The following NR3C2 variants were observed in gnomAD, a reference collection of about 807,000 sequenced individuals.
The protein encoded by NR3C2 is nuclear receptor subfamily 3 group C member 2.
A neutral mutation model predicts 86.4 loss-of-function variants in NR3C2; 15 were observed. The ratio of observed to expected loss-of-function variants is 0.17; its 90% CI spans 0.12 to 0.27. NR3C2 has a LOEUF of 0.27. NR3C2 is among the 10% of genes least tolerant of loss of function. The probability of loss-of-function intolerance (pLI) is 1.00; values close to 1 mark genes in which losing one functional copy is unlikely to be tolerated. For missense variants in NR3C2, 960 were observed against 1,195.6 expected (o/e 0.80, Z 2.91); for synonymous variants, 458 against 450.5 (o/e 1.02, Z -0.21).
chr4:148,388,028 T>C (rs906513867), intron 2 of NR3C2, among the ~76,000 whole-genome samples: 1 of 152,222 alleles, frequency 6.6e-6, no homozygotes, highest in African/African-American at 2.4e-5. Flanking sequence ...TTTAGAGTCA[T>C]TCTTGAGCTA....
At chr4:148,303,136 AT>A (rs539369374) in intron 2 of NR3C2, among the ~76,000 whole-genome samples, 10 of 151,774 alleles carry the variant, frequency 6.6e-5, no homozygotes, top group Admixed American at 1.3e-4. Flanking sequence ...TGCTATCATA[AT>A]TTTTTTTTAA....
intron 2 of NR3C2, among the ~76,000 whole-genome samples, chr4:148,298,667 A>G (rs1268668773): frequency 1.3e-5 from 2 of 152,060 alleles, no homozygotes; most frequent in African/African-American, 2.4e-5. Flanking sequence ...CAGAACTACT[A>G]CTCCTTATTA....
In NR3C2 at chr4:148,078,884, A is replaced by G. The variant is rs1408879121; in HGVS notation, c.*2460T>C. 1 of 152,648 alleles carries G rather than the reference A, an allele frequency of 6.6e-6. No homozygotes were observed. The highest frequency in any genetic ancestry group is 1.5e-5 in the Non-Finnish European group (1 of 68,040). The allele number at this position is 152,648 out of a possible 1,614,324, so 9.5% of individuals were successfully genotyped here. On this transcript the variant is annotated 3_prime_UTR_variant, in exon 9 of 9. Coordinates refer to ENST00000358102, the MANE Select transcript of NR3C2 (RefSeq NM_000901.5). The stretch of plus-strand genomic sequence containing the variant: ...CTAATTTAGTGTTTCTTTAAATTAT[A>G]TGAACTTTTGGTGAATTATGAACTG...
chr4:148,320,631 C>T (rs969639626), intron 2 of NR3C2, among the ~76,000 whole-genome samples: 3 of 151,228 alleles, frequency 2.0e-5, no homozygotes, highest in Admixed American at 6.6e-5. Context: ...AAGAAGTTAT[C>T]CATTTCTTCT....
At chr4:148,129,775 T>C (rs1036140127) in intron 6 of NR3C2, among the ~76,000 whole-genome samples, 7 of 152,140 alleles carry the variant, frequency 4.6e-5, no homozygotes, top group African/African-American at 1.7e-4. Context: ...TTTGTACTTT[T>C]AGTAGAGATG....
At chr4:148,324,996 C>T (rs913052863) in intron 2 of NR3C2, among the ~76,000 whole-genome samples, 2 of 152,120 alleles carry the variant, frequency 1.3e-5, no homozygotes, top group Non-Finnish European at 2.9e-5. Context: ...ATATTAGAGG[C>T]ATATCTACAA....
chr4:148,224,518 CGAA>C (rs1222509598), intron 3 of NR3C2, among the ~76,000 whole-genome samples: 1 of 152,184 alleles, frequency 6.6e-6, no homozygotes, highest in Non-Finnish European at 1.5e-5. Flanking sequence ...CACAGAAAAA[CGAA>C]GCTCTCTCAA....
At chr4:148,427,961 T>C (rs772434833) in intron 2 of NR3C2, among the ~76,000 whole-genome samples, 17 of 152,102 alleles carry the variant, frequency 1.1e-4, no homozygotes, top group Non-Finnish European at 2.1e-4. Flanking sequence ...TACATAAATA[T>C]CTGAATAAAC....
intron 3 of NR3C2, among the ~76,000 whole-genome samples, chr4:148,240,211 GATT>G (rs932055726): frequency 1.4e-5 from 2 of 146,676 alleles, no homozygotes; most frequent in African/African-American, 5.0e-5. Context: ...AAAATTATCA[GATT>G]ATCAGATATT....
intron 7 of NR3C2, among the ~76,000 whole-genome samples, chr4:148,115,129 A>G (rs1732216246): frequency 6.6e-6 from 1 of 152,214 alleles, no homozygotes; most frequent in African/African-American, 2.4e-5. Flanking sequence ...TATCTTTGAT[A>G]AGGTAGAAAA....
At chr4:148,116,606 G>A (rs1240182886) in intron 7 of NR3C2, among the ~76,000 whole-genome samples, 5 of 152,144 alleles carry the variant, frequency 3.3e-5, no homozygotes, top group Admixed American at 3.3e-4. Context: ...AAATTTTCAT[G>A]TGTTCTATCA....
intron 2 of NR3C2, among the ~76,000 whole-genome samples, chr4:148,274,777 A>G (rs1385301566): frequency 1.3e-5 from 2 of 149,936 alleles, no homozygotes; most frequent in Non-Finnish European, 1.5e-5. Flanking sequence ...GGCTCACTGC[A>G]ATCTCCACCT....
chr4:148,309,979 C>T (rs1410595174), intron 2 of NR3C2, among the ~76,000 whole-genome samples: 1 of 150,054 alleles, frequency 6.7e-6, no homozygotes, highest in African/African-American at 2.5e-5. Context: ...TCTCCAAGGG[C>T]GGGGGTGGAG....
intron 2 of NR3C2, among the ~76,000 whole-genome samples, chr4:148,392,936 T>C (rs1319686014): frequency 1.3e-5 from 2 of 152,188 alleles, no homozygotes; most frequent in African/African-American, 2.4e-5. Context: ...TTTTTATATA[T>C]ATATCTTTCA....
At chr4:148,424,820 T>C (rs1310233002) in intron 2 of NR3C2, among the ~76,000 whole-genome samples, 1 of 152,226 alleles carries the variant, frequency 6.6e-6, no homozygotes, top group South Asian at 2.1e-4. Context: ...AGAACTCTTC[T>C]GCATCTCAAT....
At chr4:148,295,130 G>A (rs1741985120) in intron 2 of NR3C2, among the ~76,000 whole-genome samples, 1 of 150,954 alleles carries the variant, frequency 6.6e-6, no homozygotes, top group South Asian at 2.1e-4. Flanking sequence ...AACTACAAAG[G>A]TAAAAAAGAT....
At chr4:148,243,245 T>A in intron 3 of NR3C2, among the ~76,000 whole-genome samples, 1 of 152,084 alleles carries the variant, frequency 6.6e-6, no homozygotes, top group African/African-American at 2.4e-5. Flanking sequence ...CCCAAGCTAG[T>A]CTTGAATTCC....
At position 148,442,343 on chromosome 4, in the gene NR3C2, TC is replaced by T. The variant is rs1371917122; in HGVS notation, c.-187del. On this transcript the variant is annotated 5_prime_UTR_variant, in exon 1 of 9. Coordinates refer to ENST00000358102, the MANE Select transcript of NR3C2 (RefSeq NM_000901.5). ...ACCCAGGTGACTGACTGCACGGGCT[TC>T]CTCTGAGCAGCCTGAAGTTGGCTCC... 2 of 152,378 alleles carry T rather than the reference TC, an allele frequency of 1.3e-5. No homozygotes were observed. The highest frequency in any genetic ancestry group is 1.3e-4 in the Admixed American group (2 of 15,280). 9.4% of individuals were successfully genotyped at this position (152,378 alleles called of 1,614,324 possible). A position where few individuals can be genotyped will look rare whatever the true frequency, so the allele number is the denominator to read the frequency against.
chr4:148,385,541 G>A (rs61764771), intron 2 of NR3C2, among the ~76,000 whole-genome samples: 193 of 152,174 alleles, frequency 1.3e-3, no homozygotes, highest in Non-Finnish European at 2.1e-3. Context: ...AATGCCTTAA[G>A]AGACCAAAAT....
Sources: allele counts gnomAD v4.1 joint callset (sites outside exome capture counted in the v4.1 genomes callset), GRCh38; gene constraint gnomAD v4.1.1; transcripts MANE v1.5; gene names NCBI Gene and HGNC (gene_info 2026-07-23, HGNC 2026-07-21).